Variants in KALRN observed in about 807,000 individuals in gnomAD.
The protein encoded by KALRN is kalirin RhoGEF kinase.
Under a neutral mutation model 353.7 loss-of-function variants are expected in KALRN, and 70 were observed. The observed-to-expected ratio is 0.20, with a 90% confidence interval of 0.16 to 0.24. The LOEUF is 0.24. Ranked by LOEUF, KALRN falls within the 10% of genes least tolerant of loss-of-function variation. The pLI, the probability that KALRN is intolerant of heterozygous loss-of-function variation, is 1.00. For missense variants in KALRN, 2,791 were observed against 3,756.7 expected (o/e 0.74, Z 6.72); for synonymous variants, 1,391 against 1,434.8 (o/e 0.97, Z 0.69).
intron 33 of KALRN, among the ~76,000 whole-genome samples, chr3:124,549,997 G>A (rs2070270485): frequency 6.6e-6 from 1 of 152,168 alleles, no homozygotes; most frequent in South Asian, 2.1e-4. Flanking sequence ...AAGGATGGCA[G>A]AGCCCATGTA....
intron 34 of KALRN, among the ~76,000 whole-genome samples, chr3:124,592,722 G>A (rs137944233): frequency 0.01 from 1,553 of 152,262 alleles, 32 homozygotes; most frequent in African/African-American, 0.036. Flanking sequence ...TGAGGCCCAC[G>A]GGTGGCTTGC....
At chr3:124,041,904 T>G (rs1055132045) in intron 1 of KALRN, among the ~76,000 whole-genome samples, 1 of 151,888 alleles carries the variant, frequency 6.6e-6, no homozygotes, top group Admixed American at 6.6e-5. Flanking sequence ...TTCAGGGAGG[T>G]AAAGAAGAAA....
chr3:124,624,403 T>C (rs35990653), intron 34 of KALRN, among the ~76,000 whole-genome samples: 52,326 of 152,092 alleles, frequency 0.34, 9,175 homozygotes, highest in East Asian at 0.51. Flanking sequence ...TTATCATAGG[T>C]ACACATGTAT....
At chr3:124,430,546 A>C (rs746361567) in intron 15 of KALRN, 110 bp from the exon 16 acceptor site, 7 of 1,314,092 alleles carry the variant, frequency 5.3e-6, no homozygotes, top group Non-Finnish European at 7.4e-6. Context: ...TCTCTCCAAC[A>C]GAAGATAAAA....
At chr3:124,591,994 G>A (rs1477161539) in intron 34 of KALRN, among the ~76,000 whole-genome samples, 2 of 152,114 alleles carry the variant, frequency 1.3e-5, no homozygotes, top group Non-Finnish European at 2.9e-5. Context: ...CATAAAAGAA[G>A]ATTCAACAGA....
chr3:124,518,324 A>G (rs950862849), intron 33 of KALRN: 20 of 1,262,368 alleles, frequency 1.6e-5, no homozygotes, highest in South Asian at 1.4e-4. Context: ...TCTGTTTTCT[A>G]TAAGGGCTAC....
At chr3:124,652,489 C>T (rs1192117050) in intron 38 of KALRN, among the ~76,000 whole-genome samples, 1 of 152,230 alleles carries the variant, frequency 6.6e-6, no homozygotes, top group East Asian at 1.9e-4. Context: ...CAAGTTGGAG[C>T]TGATGTCTTA....
At chr3:124,458,079 C>T (rs758505760) in intron 23 of KALRN, among the ~76,000 whole-genome samples, 1 of 152,126 alleles carries the variant, frequency 6.6e-6, no homozygotes, top group Admixed American at 6.5e-5. Context: ...AGTTCGAGAC[C>T]GGCCTGGCCA....
At chr3:124,355,248 G>T (rs568154677) in intron 10 of KALRN, among the ~76,000 whole-genome samples, 1 of 152,132 alleles carries the variant, frequency 6.6e-6, no homozygotes, top group African/African-American at 2.4e-5. Flanking sequence ...AATGTTAAAG[G>T]CTTTTGAGTG....
intron 6 of KALRN, among the ~76,000 whole-genome samples, chr3:124,317,587 C>G (rs1273677890): frequency 6.6e-6 from 1 of 151,996 alleles, no homozygotes; most frequent in Non-Finnish European, 1.5e-5. Context: ...TACCTATAAC[C>G]TGGGACAATC....
At chr3:124,707,876 T>A (rs908258871) in intron 57 of KALRN, among the ~76,000 whole-genome samples, 4 of 152,200 alleles carry the variant, frequency 2.6e-5, no homozygotes, top group African/African-American at 7.2e-5. Context: ...CTATATGAAA[T>A]GACTCAAATC....
chr3:124,073,504 CAG>C (rs1057298878), intron 1 of KALRN, among the ~76,000 whole-genome samples: 2 of 152,150 alleles, frequency 1.3e-5, no homozygotes, highest in African/African-American at 2.4e-5. Flanking sequence ...AGCTGCAGAA[CAG>C]AGAACTAGCA....
chr3:124,422,001 A>T (rs1005324684), intron 14 of KALRN, among the ~76,000 whole-genome samples: 1 of 152,214 alleles, frequency 6.6e-6, no homozygotes, highest in African/African-American at 2.4e-5. Context: ...GTTTATACAT[A>T]AACATTGGGA....
chr3:124,388,909 A>G (rs1008365738), intron 11 of KALRN, among the ~76,000 whole-genome samples: 1 of 151,600 alleles, frequency 6.6e-6, no homozygotes, highest in Non-Finnish European at 1.5e-5. Context: ...GAGTTCATTA[A>G]CTCTTGACTC....
chr3:124,568,850 G>A (rs909742296), intron 34 of KALRN, among the ~76,000 whole-genome samples: 1 of 152,206 alleles, frequency 6.6e-6, no homozygotes, highest in Non-Finnish European at 1.5e-5. Context: ...TGGGGAATTA[G>A]TGCCTGTTGG....
Position 124,618,086 on chromosome 3 carries a change from CTTTTTTTTTTTTTTTTTTTTTTT to C in KALRN, c.5183-14316_5183-14294del, listed in dbSNP as rs71145464. On this transcript the variant is annotated intron_variant, in intron 34 of 59. Coordinates refer to ENST00000682506, the MANE Select transcript of KALRN (RefSeq NM_001388419.1). ...GGAAAGAAAATACCAGTGCAGAAAT[CTTTTTTTTTTTTTTTTTTTTTTT>C]TTTTTTTTTTTTTTTTTGAGATGGA... 7.9e-5 allele frequency among the ~76,000 whole-genome samples: 5 copies of C among 63,336 alleles called. No homozygotes were observed. The Admixed American group carries it at 1.1e-3, about 14-fold the overall frequency. The allele number at this position is 63,336 out of a possible 152,430, so 41.6% of individuals were successfully genotyped here. A position where few individuals can be genotyped will look rare whatever the true frequency, so the allele number is the denominator to read the frequency against.
At chr3:124,609,813 A>G (rs896248743) in intron 34 of KALRN, among the ~76,000 whole-genome samples, 1 of 152,220 alleles carries the variant, frequency 6.6e-6, no homozygotes, top group Non-Finnish European at 1.5e-5. Context: ...TTAAGTAAGT[A>G]TTGTTATCTC....
chr3:124,096,138 A>C (rs1397443303), intron 1 of KALRN: 1 of 152,086 alleles, frequency 6.6e-6, no homozygotes, highest in East Asian at 1.9e-4. Flanking sequence ...GGGAGAAGGG[A>C]GAAGAGACCA....
intron 5 of KALRN, among the ~76,000 whole-genome samples, chr3:124,278,079 T>C: frequency 6.6e-6 from 1 of 151,036 alleles, no homozygotes; most frequent in Non-Finnish European, 1.5e-5. Context: ...TCAACAGACA[T>C]TGAGTGTCTA....
Sources: gnomAD v4.1 joint callset for allele counts (sites outside exome capture counted in the v4.1 genomes callset) on GRCh38, gnomAD v4.1.1 for gene constraint, MANE v1.5 for transcripts, NCBI Gene and HGNC (gene_info 2026-07-23, HGNC 2026-07-21) for gene names.